The following OVCH1 variants were observed in gnomAD, a reference collection of about 807,000 sequenced individuals.
The protein encoded by OVCH1 is ovochymase 1.
A neutral mutation model predicts 138.4 loss-of-function variants in OVCH1; 139 were observed. That is an observed-to-expected ratio of 1.00 (90% CI 0.87 to 1.16). OVCH1 has a LOEUF of 1.16. Ranked by LOEUF, OVCH1 falls within the 50% of genes most tolerant of loss-of-function variation. The probability of loss-of-function intolerance (pLI) is 0.00; values close to 1 mark genes in which losing one functional copy is unlikely to be tolerated. For missense variants in OVCH1, 1,367 were observed against 1,357.9 expected (o/e 1.01, Z -0.11); for synonymous variants, 453 against 467.8 (o/e 0.97, Z 0.41).
chr12:29,482,243 A>C (rs930147371), intron 8 of OVCH1, among the ~76,000 whole-genome samples: 2 of 152,056 alleles, frequency 1.3e-5, no homozygotes, highest in Non-Finnish European at 2.9e-5. Flanking sequence ...CTATTCCCCA[A>C]ATATACCAAG....
chr12:29,474,060 AACACACACACACATACACAC>A (rs1942610859), intron 14 of OVCH1, among the ~76,000 whole-genome samples: 1 of 115,232 alleles, frequency 8.7e-6, no homozygotes, highest in Non-Finnish European at 1.9e-5. Flanking sequence ...ATACTTAATA[AACACACACACACATACACAC>A]ACACACACAC....
chr12:29,464,521 C>T lies in OVCH1; in HGVS notation c.2111G>A (p.Gly704Glu), dbSNP rs753783196. 8.7e-6 allele frequency: 14 copies of T among 1,613,140 alleles called. No homozygotes were observed. Among genetic ancestry groups the T allele is most frequent in the Non-Finnish European group, 1.2e-5 (14 of 1,179,552 alleles). Residue 704 changes from glycine to glutamate, a missense_variant, in exon 18 of 28, where the codon GGA (glycine) becomes GAA (glutamate). Gly to Glu is a moderately conservative substitution (Grantham distance 98). Transcript: ENST00000318184. ...AATATGCTTACCTGCACTGATGCTT[C>T]CCCATCCGGTCACAGCACAGATCTC...
chr12:29,476,104 C>G (rs776425791), intron 13 of OVCH1, 102 bp downstream of exon 13: 14 of 915,480 alleles, frequency 1.5e-5, no homozygotes, highest in Non-Finnish European at 2.5e-5. Context: ...GCAAGAAATT[C>G]ACATTCCCAC....
intron 26 of OVCH1, among the ~76,000 whole-genome samples, chr12:29,438,645 A>C (rs1941409439): frequency 6.6e-6 from 1 of 152,180 alleles, no homozygotes; most frequent in Non-Finnish European, 1.5e-5. Context: ...TCATAGTTTG[A>C]ATAATAAATC....
chr12:29,451,640 A>T, intron 21 of OVCH1, 71 bp from the exon 22 acceptor site: 1 of 1,225,868 alleles, frequency 8.2e-7, no homozygotes, highest in Non-Finnish European at 1.1e-6. Context: ...TTCTATCACA[A>T]GACTGAAAAA....
chr12:29,447,359 A>G (rs1315002503), intron 22 of OVCH1, among the ~76,000 whole-genome samples: 2 of 152,246 alleles, frequency 1.3e-5, no homozygotes, highest in East Asian at 3.9e-4. Context: ...TTAAAGGAAA[A>G]TTGCCTATTA....
At chr12:29,443,478 G>A (rs1461520282) in exon 25 of OVCH1, 2 of 1,603,870 alleles carry the variant, frequency 1.2e-6, no homozygotes, top group African/African-American at 1.3e-5. Flanking sequence ...TGATTTAAAG[G>A]GGCTACTAAT....
chr12:29,492,849 CTAAG>C (rs932839744), intron 4 of OVCH1, among the ~76,000 whole-genome samples: 1 of 152,070 alleles, frequency 6.6e-6, no homozygotes, highest in African/African-American at 2.4e-5. Flanking sequence ...TCATAGAAGA[CTAAG>C]AAAGGGTACA....
At chr12:29,485,904 C>T (rs1943083692) in intron 8 of OVCH1, among the ~76,000 whole-genome samples, 1 of 151,526 alleles carries the variant, frequency 6.6e-6, no homozygotes, top group African/African-American at 2.4e-5. Context: ...GACTGCTTGC[C>T]ACCGCACTCC....
At chr12:29,403,573 C>T in the OVCH1 span, among the ~76,000 whole-genome samples, 2 of 152,158 alleles carry the variant, frequency 1.3e-5, no homozygotes, top group South Asian at 4.1e-4. Flanking sequence ...TTCCTCAGTT[C>T]CTCCCTGATT....
At chr12:29,451,704 T>A (rs1941801407) in intron 21 of OVCH1, 135 bp from the exon 22 acceptor site, 1 of 657,920 alleles carries the variant, frequency 1.5e-6, no homozygotes, top group Non-Finnish European at 2.6e-6. Flanking sequence ...TACAAATTAT[T>A]CTGTTAGAAA....
At chr12:29,455,375 G>A in exon 20 of OVCH1, 1 of 1,613,598 alleles carries the variant, frequency 6.2e-7, no homozygotes, top group Non-Finnish European at 8.5e-7. Flanking sequence ...CCATTTTCAT[G>A]TCTACATACT....
At chr12:29,448,798 C>T (rs776428956) in intron 22 of OVCH1, among the ~76,000 whole-genome samples, 1 of 152,048 alleles carries the variant, frequency 6.6e-6, no homozygotes, top group African/African-American at 2.4e-5. Flanking sequence ...AGAGTTTATC[C>T]TAAGAAAACA....
chr12:29,448,651 A>T (rs921117595), intron 22 of OVCH1, among the ~76,000 whole-genome samples: 5 of 152,084 alleles, frequency 3.3e-5, no homozygotes, highest in Admixed American at 3.3e-4. Context: ...GGAGGAGGTG[A>T]TCTGATTCTA....
At chr12:29,495,537 G>A in intron 3 of OVCH1, 80 bp from the exon 4 acceptor site, 1 of 1,261,674 alleles carries the variant, frequency 7.9e-7, no homozygotes, top group Non-Finnish European at 1.1e-6. Context: ...TAAATGAAAA[G>A]TGATTAATGT....
chr12:29,421,565 T>C (rs895341494), intron 3 of OVCH1, among the ~76,000 whole-genome samples: 22 of 152,292 alleles, frequency 1.4e-4, no homozygotes, highest in African/African-American at 5.3e-4. Flanking sequence ...TATTGGTCAT[T>C]GTTCTTTCTG....
chr12:29,431,175 G>T (rs756813482), intron 27 of OVCH1, among the ~76,000 whole-genome samples: 1 of 152,170 alleles, frequency 6.6e-6, no homozygotes, highest in Non-Finnish European at 1.5e-5. Context: ...GGTGGTTCAC[G>T]CCTGTAATTC....
rs141289924 is a variant in OVCH1, at chr12:29,453,262, CTT to C, written c.2530+1577_2530+1578del. 8.1e-3 allele frequency among the ~76,000 whole-genome samples: 1,238 copies of C among 152,286 alleles called. 17 individuals carry two copies. The highest frequency in any genetic ancestry group is 0.028 in the African/African-American group (1,152 of 41,566). On this transcript the variant is annotated intron_variant, in intron 21 of 27. Coordinates refer to ENST00000318184, the Ensembl canonical transcript of OVCH1. ...ACTCTATGTATCCCCAGCTTTGACT[CTT>C]TGACTCATGTTGCCAGACAAATGGT...
At chr12:29,443,134 A>G (rs1258628155) in intron 25 of OVCH1, among the ~76,000 whole-genome samples, 1 of 152,108 alleles carries the variant, frequency 6.6e-6, no homozygotes, top group Non-Finnish European at 1.5e-5. Flanking sequence ...TAATCTAGGT[A>G]TGATCCATGT....
Sources: allele counts gnomAD v4.1 joint callset (sites outside exome capture counted in the v4.1 genomes callset), GRCh38; gene constraint gnomAD v4.1.1; transcripts MANE v1.5; gene names NCBI Gene and HGNC (gene_info 2026-07-23, HGNC 2026-07-21).